The following KIF19 variants were observed in gnomAD, a reference collection of about 807,000 sequenced individuals.
KIF19 encodes kinesin family member 19, also known as kinesin-like protein KIF19.
In KIF19, 98 loss-of-function variants were observed where a neutral mutation model predicts 106.6. The ratio of observed to expected loss-of-function variants is 0.92; its 90% CI spans 0.78 to 1.09. The LOEUF (loss-of-function observed/expected upper bound fraction) is 1.09. Among genes scored for constraint, KIF19 ranks in the 50% least tolerant of loss-of-function variants. KIF19 has a pLI of 0.00. For synonymous variants in KIF19, 516 were observed against 584.2 expected (o/e 0.88, Z 1.68); for missense variants, 1,373 against 1,414.3 (o/e 0.97, Z 0.47).
chr17:74,348,897 T>C lies in KIF19; in HGVS notation c.1048-287T>C, dbSNP rs1411997092. On this transcript the variant is annotated intron_variant, in intron 9 of 19. Coordinates refer to ENST00000389916, the MANE Select transcript of KIF19 (RefSeq NM_153209.4). Reference sequence around the variant, plus strand: ...GGACAGGTCTTCAACTGGAGTGGGATGTTCATGCAGGAGCGGTGAGCCCAG... The same window carrying C: ...GGACAGGTCTTCAACTGGAGTGGGACGTTCATGCAGGAGCGGTGAGCCCAG... 5 of 450,972 alleles carry C rather than the reference T, an allele frequency of 1.1e-5. No individual in the cohort carries two copies. In the Admixed American group the frequency reaches 1.2e-4, roughly 11 times the overall value. The allele number at this position is 450,972 out of a possible 1,614,324, so 27.9% of individuals were successfully genotyped here.
At chr17:74,348,327 G>C (rs1391515069) in intron 9 of KIF19, among the ~76,000 whole-genome samples, 3 of 152,274 alleles carry the variant, frequency 2.0e-5, no homozygotes, top group Non-Finnish European at 4.4e-5. Context: ...CCCATGTACA[G>C]ATTAGGACAG....
chr17:74,355,050 G>T, intron 19 of KIF19, 109 bp downstream of exon 19: 1 of 1,545,630 alleles, frequency 6.5e-7, no homozygotes, highest in Non-Finnish European at 8.8e-7. Flanking sequence ...CTGGAAGCAT[G>T]GTTCTAGCAG....
chr17:74,344,418 GA>G, intron 6 of KIF19, 70 bp downstream of exon 6: 1 of 1,561,502 alleles, frequency 6.4e-7, no homozygotes, highest in Non-Finnish European at 8.6e-7. Flanking sequence ...GAGGGGCGGG[GA>G]CAGAAGCCAG....
At position 74,326,299 on chromosome 17, in the gene KIF19, G is replaced by T; in HGVS notation, c.-51G>T. 1 of 1,575,332 alleles carries T rather than the reference G, an allele frequency of 6.3e-7. No individual in the cohort carries two copies. On this transcript the variant is annotated 5_prime_UTR_variant, in exon 1 of 20. Transcript: ENST00000389916. Reference sequence around the variant, plus strand: ...CGCGACCCGGAGGCGGTGGGGGTGCGGCTGAGCCATGCCCGGTGGCGCGGC... The same window carrying T: ...CGCGACCCGGAGGCGGTGGGGGTGCTGCTGAGCCATGCCCGGTGGCGCGGC...
intron 8 of KIF19, among the ~76,000 whole-genome samples, chr17:74,347,049 G>A (rs900259181): frequency 4.6e-5 from 7 of 152,186 alleles, no homozygotes; most frequent in African/African-American, 1.4e-4. Context: ...TGCAGATGAG[G>A]AAACTGAGGC....
At chr17:74,344,729 G>C in intron 6 of KIF19, 32 bp from the exon 7 acceptor site, 1 of 1,586,378 alleles carries the variant, frequency 6.3e-7, no homozygotes, top group Non-Finnish European at 8.6e-7. Flanking sequence ...TACGGCAGTC[G>C]CTAAGAGCTG....
At position 74,328,541 on chromosome 17, in the gene KIF19, A is replaced by C. The variant is rs772965578; in HGVS notation, c.120+36A>C. 1.9e-6 allele frequency: 3 copies of C among 1,550,602 alleles called. No individual in the cohort carries two copies. In the East Asian group the frequency reaches 7.0e-5, roughly 36 times the overall value. ...CTCTGCAGCAGGAGCTGCAGGGCAG[A>C]GGTCTGCTCAGATGGCTCAGCTCAC... On this transcript the variant is annotated intron_variant, in intron 2 of 19. Coordinates refer to ENST00000389916, the MANE Select transcript of KIF19 (RefSeq NM_153209.4).
chr17:74,333,063 G>A (rs892362719), intron 2 of KIF19, among the ~76,000 whole-genome samples: 1 of 152,238 alleles, frequency 6.6e-6, no homozygotes, highest in Non-Finnish European at 1.5e-5. Context: ...AGCTGCCCGA[G>A]CCCAGAAGTG....
chr17:74,326,361 C>T lies in KIF19; in HGVS notation c.12C>T (p.Ser4=), dbSNP rs781258084. 8.7e-6 allele frequency: 14 copies of T among 1,612,330 alleles called. No homozygotes were observed. The South Asian group carries it at 1.3e-4, about 15-fold the overall frequency. The change falls in exon 1 of 20, where the codon AGC becomes AGT. Residue 4 remains serine (S), a synonymous_variant. Coordinates refer to ENST00000389916, the MANE Select transcript of KIF19 (RefSeq NM_153209.4). The part of the protein sequence containing the change: MKD[S]GDSKDQQLMV... ...CACCTGCTGCAATCATGAAGGACAGCGGGGACTCCAAGGACCAGCAACTCA... is the reference window on the plus strand; with the variant it reads ...CACCTGCTGCAATCATGAAGGACAGTGGGGACTCCAAGGACCAGCAACTCA...
intron 4 of KIF19, 146 bp from the exon 5 acceptor site, chr17:74,342,878 G>A (rs1045275967): frequency 9.2e-6 from 11 of 1,192,658 alleles, no homozygotes; most frequent in African/African-American, 1.5e-5. Flanking sequence ...CCGAGCCGGG[G>A]CATCATCCTC....
chr17:74,354,224 C>T lies in KIF19; in HGVS notation c.2371C>T (p.Arg791Trp), dbSNP rs767089420. Reference protein sequence around the residue: ...IWVKAARRRSRALGTEGRHLL... With the variant: ...IWVKAARRRSWALGTEGRHLL... ...GGTGAAGGCCGCCCGGCGGCGCTCG[C>T]GGGCCCTGGGAACCGAGGGGCGACA... is the stretch of plus-strand genomic sequence containing the variant. The change falls in exon 18 of 20, where the codon CGG becomes TGG. Residue 791 changes from arginine to tryptophan, a missense_variant. Around this residue, in one of 3 missense-constraint regions of KIF19, gnomAD observed 1,020 missense variants for 1,008.2 expected, o/e 1.01. Transcript: ENST00000389916. 1.7e-5 allele frequency: 27 copies of T among 1,608,776 alleles called. No individual in the cohort carries two copies. The Admixed American group carries it at 2.0e-4, about 12-fold the overall frequency.
chr17:74,339,232 G>T (rs535397228), intron 2 of KIF19, among the ~76,000 whole-genome samples: 7 of 151,904 alleles, frequency 4.6e-5, no homozygotes, highest in African/African-American at 1.7e-4. Flanking sequence ...AAGTGTGTGC[G>T]TGAGAGGCAG....
intron 17 of KIF19, 106 bp downstream of exon 17, chr17:74,353,687 C>G (rs2054788242): frequency 2.3e-6 from 2 of 888,678 alleles, no homozygotes; most frequent in East Asian, 2.6e-5. Flanking sequence ...CAAGTGCAAC[C>G]AAGCATTGGG....
chr17:74,353,855 G>A (rs763537019), intron 17 of KIF19, among the ~76,000 whole-genome samples: 4 of 152,014 alleles, frequency 2.6e-5, no homozygotes, highest in South Asian at 2.1e-4. Context: ...CCCCTCCCCC[G>A]CCGCCTCCGC....
chr17:74,342,241 G>C lies in KIF19; in HGVS notation c.231+255G>C, dbSNP rs916571121. ...CGGTACAACTCGCTTGGCTCCTACTGAGCTGGAAAAGGAGCTTGAAGGCCA... is the reference window on the plus strand; with the variant it reads ...CGGTACAACTCGCTTGGCTCCTACTCAGCTGGAAAAGGAGCTTGAAGGCCA... On this transcript the variant is annotated intron_variant, in intron 3 of 19. Transcript: ENST00000389916. Among the ~76,000 whole-genome samples the C allele has an allele frequency of 2.6e-5, 4 of 152,314 alleles. No individual in the cohort carries two copies. The South Asian group carries it at 8.3e-4, about 32-fold the overall frequency.
Position 74,347,774 on chromosome 17 carries a change from C to T in KIF19, c.925-3C>T, listed in dbSNP as rs1296168243. The T allele has an allele frequency of 6.3e-7, 1 of 1,588,778 alleles. No individual in the cohort carries two copies. Among genetic ancestry groups the T allele is most frequent in the Non-Finnish European group, 8.6e-7 (1 of 1,168,276 alleles). Reference sequence around the variant, plus strand: ...CCACTGACCACAGCCACCTCCCATCCAGGACTCTCTGGGAGGAAACAGCCG... The same window carrying T: ...CCACTGACCACAGCCACCTCCCATCTAGGACTCTCTGGGAGGAAACAGCCG... On this transcript the variant is annotated splice_region_variant and splice_polypyrimidine_tract_variant and intron_variant, in intron 8 of 19. Transcript: ENST00000389916.
chr17:74,334,914 G>T (rs2054183481), intron 2 of KIF19, among the ~76,000 whole-genome samples: 1 of 152,178 alleles, frequency 6.6e-6, no homozygotes, highest in South Asian at 2.1e-4. Context: ...AGTAGGATAG[G>T]GGTGTTGGTA....
intron 1 of KIF19, 129 bp from the exon 2 acceptor site, chr17:74,328,296 A>G: frequency 1.3e-6 from 1 of 741,688 alleles, no homozygotes; most frequent in Non-Finnish European, 2.2e-6. Flanking sequence ...ACCTAGGTAG[A>G]GTTTTACTTA....
intron 2 of KIF19, among the ~76,000 whole-genome samples, chr17:74,336,856 C>A (rs748362121): frequency 6.6e-6 from 1 of 152,076 alleles, no homozygotes; most frequent in Non-Finnish European, 1.5e-5. Flanking sequence ...GACAGAGTCT[C>A]GCTCTGTCAC....
Sources: allele counts gnomAD v4.1 joint callset (sites outside exome capture counted in the v4.1 genomes callset), GRCh38; gene constraint gnomAD v4.1.1; regional missense constraint gnomAD v4.1.1; transcripts MANE v1.5; gene names NCBI Gene and HGNC (gene_info 2026-07-23, HGNC 2026-07-21).